RBFOX1: variants seen among roughly 807,000 people sequenced by gnomAD.
RBFOX1 encodes RNA binding protein fox-1 homolog 1.
In RBFOX1, 8 loss-of-function variants were observed where a neutral mutation model predicts 57.7. That is an observed-to-expected ratio of 0.14 (90% CI 0.08 to 0.25). The LOEUF is 0.25. Ranked by LOEUF, RBFOX1 falls within the 10% of genes least tolerant of loss-of-function variation. The pLI, the probability that RBFOX1 is intolerant of heterozygous loss-of-function variation, is 1.00. For missense variants in RBFOX1, 611 were observed against 548.5 expected (o/e 1.11, Z -1.14); for synonymous variants, 326 against 222.4 (o/e 1.47, Z -4.15).
At chr16:7,201,755 G>C (rs2346605) in intron 4 of RBFOX1, among the ~76,000 whole-genome samples, 53,127 of 152,038 alleles carry the variant, frequency 0.35, 10,178 homozygotes, top group African/African-American at 0.51. Context: ...GAGCCACCAT[G>C]CCCGGCCGAT....
chr16:6,523,373 C>T (rs986600896), intron 2 of RBFOX1, among the ~76,000 whole-genome samples: 6 of 152,042 alleles, frequency 3.9e-5, no homozygotes, highest in African/African-American at 2.4e-5. Context: ...TGAGGGGCAT[C>T]GGAAGCTGTG....
chr16:5,878,027 T>C (rs1189653623), intron 4 of RBFOX1, among the ~76,000 whole-genome samples: 1 of 152,198 alleles, frequency 6.6e-6, no homozygotes, highest in Non-Finnish European at 1.5e-5. Context: ...GTAAGGGGCA[T>C]TGGAGACTAT....
chr16:6,734,564 G>A (rs148997410), intron 3 of RBFOX1, among the ~76,000 whole-genome samples: 2 of 110,504 alleles, frequency 1.8e-5, no homozygotes, highest in Admixed American at 2.3e-4. Flanking sequence ...TTCAGTCCAT[G>A]TAATTAAGAC....
chr16:7,556,270 A>G (rs981740407), intron 5 of RBFOX1, among the ~76,000 whole-genome samples: 2 of 152,166 alleles, frequency 1.3e-5, no homozygotes, highest in Admixed American at 1.3e-4. Flanking sequence ...GCATCTCCCA[A>G]CACTACAGCT....
At chr16:6,221,630 G>A (rs1401033601) in intron 1 of RBFOX1, among the ~76,000 whole-genome samples, 1 of 152,182 alleles carries the variant, frequency 6.6e-6, no homozygotes, top group African/African-American at 2.4e-5. Context: ...CTGACAATGG[G>A]TAATTTATGA....
intron 3 of RBFOX1, among the ~76,000 whole-genome samples, chr16:6,864,181 C>G (rs2059516063): frequency 6.6e-6 from 1 of 151,996 alleles, no homozygotes; most frequent in South Asian, 2.1e-4. Flanking sequence ...AATTCTTGTC[C>G]CATTACATAA....
At chr16:7,685,219 G>T (rs1215995818) in intron 14 of RBFOX1, among the ~76,000 whole-genome samples, 1 of 152,156 alleles carries the variant, frequency 6.6e-6, no homozygotes, top group South Asian at 2.1e-4. Context: ...GTTGACAAAG[G>T]GTTGTCCTGC....
At chr16:6,913,432 C>A (rs2072237199) in intron 3 of RBFOX1, among the ~76,000 whole-genome samples, 1 of 152,114 alleles carries the variant, frequency 6.6e-6, no homozygotes, top group African/African-American at 2.4e-5. Flanking sequence ...AACATCTTTC[C>A]TCTCATATCC....
At chr16:6,138,785 G>A (rs1220294826) in intron 1 of RBFOX1, among the ~76,000 whole-genome samples, 2 of 152,200 alleles carry the variant, frequency 1.3e-5, no homozygotes, top group South Asian at 2.1e-4. Context: ...GAGAATCGCT[G>A]GAACCCAGGA....
chr16:7,332,059 A>G (rs2096705053), intron 4 of RBFOX1, among the ~76,000 whole-genome samples: 2 of 152,194 alleles, frequency 1.3e-5, no homozygotes, highest in Non-Finnish European at 2.9e-5. Context: ...AAAATAAAGA[A>G]TGTCGTTAAA....
chr16:7,525,005 C>T (rs1485508269), intron 5 of RBFOX1, among the ~76,000 whole-genome samples: 1 of 152,110 alleles, frequency 6.6e-6, no homozygotes, highest in Non-Finnish European at 1.5e-5. Flanking sequence ...GTCCTAATAC[C>T]CACAACCCAA....
At chr16:7,125,736 A>T (rs2068343963) in intron 4 of RBFOX1, among the ~76,000 whole-genome samples, 1 of 152,016 alleles carries the variant, frequency 6.6e-6, no homozygotes, top group Non-Finnish European at 1.5e-5. Flanking sequence ...TTTGTTTCAC[A>T]CAACTATGCA....
At chr16:7,244,050 G>A (rs1256941146) in intron 4 of RBFOX1, among the ~76,000 whole-genome samples, 1 of 151,608 alleles carries the variant, frequency 6.6e-6, no homozygotes, top group East Asian at 1.9e-4. Context: ...TGTTTTCACA[G>A]CAAGATTAAA....
intron 3 of RBFOX1, among the ~76,000 whole-genome samples, chr16:6,810,729 C>T (rs1289105546): frequency 6.6e-6 from 1 of 152,110 alleles, no homozygotes; most frequent in African/African-American, 2.4e-5. Flanking sequence ...CAAATACCTT[C>T]TTCACAGGGC....
chr16:6,825,350 G>A (rs999134667), intron 3 of RBFOX1, among the ~76,000 whole-genome samples: 3 of 151,600 alleles, frequency 2.0e-5, no homozygotes, highest in South Asian at 2.1e-4. Context: ...TTGAGAATCA[G>A]TCTTCTAGAT....
At chr16:5,502,996 T>C (rs182450258) in intron 2 of RBFOX1, among the ~76,000 whole-genome samples, 1 of 152,330 alleles carries the variant, frequency 6.6e-6, no homozygotes, top group African/African-American at 2.4e-5. Context: ...AATACACATC[T>C]CTCCTAAAAT....
chr16:5,997,872 GTCAA>G (rs990845613), intron 4 of RBFOX1, among the ~76,000 whole-genome samples: 2 of 152,020 alleles, frequency 1.3e-5, no homozygotes, highest in Admixed American at 6.5e-5. Context: ...TTTGCTGATA[GTCAA>G]TCATTTGCTG....
intron 4 of RBFOX1, among the ~76,000 whole-genome samples, chr16:7,104,637 A>G (rs1360570634): frequency 6.6e-6 from 1 of 152,124 alleles, no homozygotes; most frequent in Admixed American, 6.6e-5. Context: ...CAGCCTGGGT[A>G]TTTACATCGG....
rs144291086 is a variant in RBFOX1, at chr16:7,411,107, G to C, written c.28-107040G>C. On this transcript the variant is annotated intron_variant, in intron 4 of 15. Transcript: ENST00000550418. Reference sequence around the variant, plus strand: ...ACTACAGGCGTGAGCCACCATGCCTGACCAATTTTTGTATTTTTAGTAGAG... The same window carrying C: ...ACTACAGGCGTGAGCCACCATGCCTCACCAATTTTTGTATTTTTAGTAGAG... Among the ~76,000 whole-genome samples, 708 of 152,138 alleles carry C rather than the reference G, an allele frequency of 4.7e-3. 4 individuals carry two copies. Among genetic ancestry groups the C allele is most frequent in the African/African-American group, 0.016 (651 of 41,496 alleles).
Sources: allele counts gnomAD v4.1 joint callset (sites outside exome capture counted in the v4.1 genomes callset), GRCh38; gene constraint gnomAD v4.1.1; transcripts MANE v1.5; gene names NCBI Gene and HGNC (gene_info 2026-07-23, HGNC 2026-07-21).